The following HMCN2 variants were observed in gnomAD, a reference collection of about 807,000 sequenced individuals.
HMCN2 encodes the protein hemicentin-2.
Under a neutral mutation model 377.5 loss-of-function variants are expected in HMCN2, and 325 were observed. The ratio of observed to expected loss-of-function variants is 0.86; its 90% CI spans 0.79 to 0.94. The LOEUF (loss-of-function observed/expected upper bound fraction) is 0.94. Among genes scored for constraint, HMCN2 ranks in the 40% least tolerant of loss-of-function variants. The pLI is 0.00. For synonymous variants in HMCN2, 2,007 were observed against 2,046.8 expected (o/e 0.98, Z 0.53); for missense variants, 4,543 against 4,725.3 (o/e 0.96, Z 1.13).
At chr9:130,348,006 G>A in intron 26 of HMCN2, 1 of 985,402 alleles carries the variant, frequency 1.0e-6, no homozygotes, top group Non-Finnish European at 1.2e-6. Context: ...GGTGCTATGT[G>A]CAGAGGAAAG....
chr9:130,362,156 T>TG lies in HMCN2; in HGVS notation c.6101dup (p.Leu2035ProfsTer14). 1 of 985,898 alleles carries TG rather than the reference T, an allele frequency of 1.0e-6. No individual in the cohort carries two copies. The highest frequency in any genetic ancestry group is 1.2e-6 in the Non-Finnish European group (1 of 829,932). The allele number at this position is 985,898 out of a possible 1,614,324, so 61.1% of individuals were successfully genotyped here. On this transcript the variant is annotated frameshift_variant, in exon 39 of 98. Coordinates refer to ENST00000683500, the MANE Select transcript of HMCN2 (RefSeq NM_001291815.2). LOFTEE classifies it high-confidence loss of function. ...ACCCTGTGTCCCCTGCAGGGACCCCTGGCCTGCAGGTCAGTAGGGCTGGGT... is the reference window on the plus strand; with the variant it reads ...ACCCTGTGTCCCCTGCAGGGACCCCTGGGCCTGCAGGTCAGTAGGGCTGGGT...
chr9:130,270,295 G>GTTTT (rs34000960), intron 1 of HMCN2, among the ~76,000 whole-genome samples: 1 of 47,562 alleles, frequency 2.1e-5, no homozygotes, highest in Non-Finnish European at 4.0e-5. Context: ...TTGTTTGTTT[G>GTTTT]TTTTTTTTTT....
rs1381267125 is a variant in HMCN2, at chr9:130,368,415, G to A, written c.6765G>A (p.Gln2255=). 2 of 986,158 alleles carry A rather than the reference G, an allele frequency of 2.0e-6. No individual in the cohort carries two copies. The highest frequency in any genetic ancestry group is 2.4e-6 in the Non-Finnish European group (2 of 830,306). The allele number at this position is 986,158 out of a possible 1,614,324, so 61.1% of individuals were successfully genotyped here. A position where few individuals can be genotyped will look rare whatever the true frequency, so the allele number is the denominator to read the frequency against. The change falls in exon 44 of 98, where the codon CAG becomes CAA. Residue 2255 remains glutamine (Q), a synonymous_variant. Transcript: ENST00000683500. ...GCAACGTGGTGGGGAACAGCAGCCA[G>A]GACCTGCAGCTGGAGGTGCACGGTG... The part of the protein sequence containing the change: ...ECSNVVGNSS[Q]DLQLEVHVPP...
chr9:130,375,228 C>T (rs1005205637), intron 49 of HMCN2, among the ~76,000 whole-genome samples: 10 of 152,206 alleles, frequency 6.6e-5, no homozygotes, highest in Non-Finnish European at 1.3e-4. Flanking sequence ...ACAAAGCCCC[C>T]AACTCCCACT....
intron 36 of HMCN2, among the ~76,000 whole-genome samples, chr9:130,358,947 C>T (rs975802640): frequency 9.9e-5 from 15 of 152,192 alleles, no homozygotes; most frequent in Admixed American, 5.2e-4. Context: ...GTGCTGGGAT[C>T]ACAGGCGTGA....
rs1207106156 is a variant in HMCN2, at chr9:130,385,702, C to T, written c.9249C>T (p.Val3083=). 3 of 1,304,100 alleles carry T rather than the reference C, an allele frequency of 2.3e-6. No homozygotes were observed. The South Asian group carries it at 3.7e-5, about 16-fold the overall frequency. 80.8% of individuals were successfully genotyped at this position (1,304,100 alleles called of 1,614,324 possible). ...GGTACAAGGATGGGCAGCCCCTGGT[C>T]CTGGCACAGCGGACCCAGGCTCTGC... The part of the protein sequence containing the change: ...VTWYKDGQPL[V]LAQRTQALRG... Residue 3083 remains valine (V), a synonymous_variant, in exon 60 of 98, where the codon GTC becomes GTT. Coordinates refer to ENST00000683500, the MANE Select transcript of HMCN2 (RefSeq NM_001291815.2).
intron 1 of HMCN2, among the ~76,000 whole-genome samples, chr9:130,275,140 G>GT (rs144082878): frequency 0.23 from 34,684 of 152,056 alleles, 4,181 homozygotes; most frequent in African/African-American, 0.29. Flanking sequence ...TTTTTTCCTT[G>GT]TTTTTTTGCT....
At position 130,414,011 on chromosome 9, in the gene HMCN2, T is replaced by G. The variant is rs899914702; in HGVS notation, c.12961+3359T>G. 7.9e-6 allele frequency among the ~76,000 whole-genome samples: 1 copy of G among 127,082 alleles called. No homozygotes were observed. Among genetic ancestry groups the G allele is most frequent in the African/African-American group, 3.0e-5 (1 of 33,220 alleles). The allele number at this position is 127,082 out of a possible 152,430, so 83.4% of individuals were successfully genotyped here. ...AAATACAAAAAAAAAAAAAAAAAAA[T>G]AGCTGGGCATGGTGGCGCACACCTG... is the stretch of plus-strand genomic sequence containing the variant. On this transcript the variant is annotated intron_variant, in intron 85 of 97. Transcript: ENST00000683500. The surrounding 1 kb of genome is among the most constrained non-coding windows in gnomAD (Gnocchi z 4.4).
intron 1 of HMCN2, among the ~76,000 whole-genome samples, chr9:130,270,469 G>A (rs1208783011): frequency 1.4e-5 from 2 of 147,714 alleles, no homozygotes; most frequent in South Asian, 2.2e-4. Flanking sequence ...TGGGAGGCTG[G>A]GGTGTGAGGA....
chr9:130,402,549 A>G (rs1234157762), intron 77 of HMCN2, among the ~76,000 whole-genome samples: 3 of 152,224 alleles, frequency 2.0e-5, no homozygotes, highest in Non-Finnish European at 2.9e-5. Context: ...TTCATTGTGC[A>G]CATGGGGAAA....
chr9:130,365,053 C>G (rs748854130), intron 41 of HMCN2, among the ~76,000 whole-genome samples, 164 bp downstream of exon 41: 2 of 152,246 alleles, frequency 1.3e-5, no homozygotes, highest in African/African-American at 2.4e-5. Context: ...GGGCCCCTGA[C>G]TCAGCTGAGT....
chr9:130,428,949 T>C lies in HMCN2; in HGVS notation c.14197+460T>C, dbSNP rs1200262194. On this transcript the variant is annotated intron_variant, in intron 93 of 97. Coordinates refer to ENST00000683500, the MANE Select transcript of HMCN2 (RefSeq NM_001291815.2). The surrounding 1 kb of genome is among the most constrained non-coding windows in gnomAD (Gnocchi z 5.0). ...GCCACCCCTGGATGGGTGACCTCAA[T>C]GGTCCTTCCTGCTCTAACAGTCTAT... Among the ~76,000 whole-genome samples the C allele has an allele frequency of 3.3e-5, 5 of 152,196 alleles. No individual in the cohort carries two copies. The highest frequency in any genetic ancestry group is 1.2e-4 in the African/African-American group (5 of 41,458).
At position 130,384,456 on chromosome 9, in the gene HMCN2, G is replaced by T. The variant is rs1267286607; in HGVS notation, c.8914G>T (p.Ala2972Ser). 1 of 1,304,192 alleles carries T rather than the reference G, an allele frequency of 7.7e-7. No homozygotes were observed. The highest frequency in any genetic ancestry group is 1.0e-6 in the Non-Finnish European group (1 of 988,940). 80.8% of individuals were successfully genotyped at this position (1,304,192 alleles called of 1,614,324 possible). ...SSVSLPCDVH[A>S]HPNPEVTWYK... ...CGTCTCCCTCCCTTGCGACGTCCACGCTCACCCAAACCCCGAGGTCACGTG... is the reference window on the plus strand; with the variant it reads ...CGTCTCCCTCCCTTGCGACGTCCACTCTCACCCAAACCCCGAGGTCACGTG... Residue 2972 changes from alanine (A) to serine (S), a missense_variant, in exon 58 of 98, where the codon GCT becomes TCT. Physicochemically the swap from Ala to Ser is moderately conservative, Grantham distance 99. Coordinates refer to ENST00000683500, the MANE Select transcript of HMCN2 (RefSeq NM_001291815.2).
At chr9:130,301,444 T>A (rs1278691957) in intron 8 of HMCN2, among the ~76,000 whole-genome samples, 1 of 152,222 alleles carries the variant, frequency 6.6e-6, no homozygotes, top group East Asian at 1.9e-4. Context: ...TTCCCCGCCC[T>A]CCAGGTCTGG....
intron 15 of HMCN2, among the ~76,000 whole-genome samples, chr9:130,310,891 G>T (rs995961366): frequency 5.9e-5 from 9 of 152,188 alleles, no homozygotes; most frequent in Non-Finnish European, 1.2e-4. Flanking sequence ...CCCTCCTTGG[G>T]TTGCTGTGAG....
intron 4 of HMCN2, among the ~76,000 whole-genome samples, chr9:130,287,878 G>A (rs1835503972): frequency 6.6e-6 from 1 of 152,224 alleles, no homozygotes; most frequent in African/African-American, 2.4e-5. Flanking sequence ...TGTTGCCTCT[G>A]GGAGAGGGTT....
In HMCN2 at chr9:130,347,245, G is replaced by A. The variant is rs889390603; in HGVS notation, c.3909G>A (p.Leu1303=). ...PLHGQPGVAV[L]EEGSLFLASV... The stretch of plus-strand genomic sequence containing the variant: ...ATGGCCAGCCAGGTGTGGCAGTGCT[G>A]GAGGAGGGGTCTCTGTTCCTGGCCT... Residue 1303 remains leucine (L), a synonymous_variant, in exon 26 of 98, where the codon CTG becomes CTA. Transcript: ENST00000683500. The surrounding 1 kb of genome is among the most constrained non-coding windows in gnomAD (Gnocchi z 5.1). 2 of 151,878 alleles carry A rather than the reference G, an allele frequency of 1.3e-5. No homozygotes were observed. The highest frequency in any genetic ancestry group is 2.9e-5 in the Non-Finnish European group (2 of 67,956). The allele number at this position is 151,878 out of a possible 1,614,324, so 9.4% of individuals were successfully genotyped here.
chr9:130,322,894 T>C (rs1226412955), intron 19 of HMCN2, among the ~76,000 whole-genome samples: 5 of 152,322 alleles, frequency 3.3e-5, no homozygotes, highest in African/African-American at 1.2e-4. Context: ...ATATCGTCTT[T>C]TTTCTTGTTT....
At chr9:130,431,292 C>A in intron 95 of HMCN2, 75 bp from the exon 96 acceptor site, 1 of 1,427,010 alleles carries the variant, frequency 7.0e-7, no homozygotes, top group Non-Finnish European at 9.5e-7. Flanking sequence ...AGGTGTGTGG[C>A]CACGTTGGTG....
Sources: allele counts gnomAD v4.1 joint callset (sites outside exome capture counted in the v4.1 genomes callset), GRCh38; gene constraint gnomAD v4.1.1; non-coding constraint Gnocchi (gnomAD v3.1); transcripts MANE v1.5; gene names NCBI Gene and HGNC (gene_info 2026-07-23, HGNC 2026-07-21).